LRRC37B: variants seen among roughly 807,000 people sequenced by gnomAD.
LRRC37B encodes the protein leucine-rich repeat-containing protein 37B.
In LRRC37B, 28 loss-of-function variants were observed where a neutral mutation model predicts 98.3. The ratio of observed to expected loss-of-function variants is 0.28; its 90% CI spans 0.21 to 0.39. LRRC37B has a LOEUF of 0.39. LRRC37B is among the 10% of genes least tolerant of loss of function. The pLI, the probability that LRRC37B is intolerant of heterozygous loss-of-function variation, is 1.00. For synonymous variants in LRRC37B, 364 were observed against 442.7 expected (o/e 0.82, Z 2.23); for missense variants, 938 against 1,182.7 (o/e 0.79, Z 3.03).
At chr17:32,008,203 T>G in intron 1 of LRRC37B, 71 bp downstream of exon 1, 1 of 201,086 alleles carries the variant, frequency 5.0e-6, no homozygotes. Context: ...CTCACTTATG[T>G]GCTGTGCATC....
chr17:32,019,726 G>C (rs1468881271), upstream of LRRC37B, among the ~76,000 whole-genome samples: 1 of 152,142 alleles, frequency 6.6e-6, no homozygotes, highest in African/African-American at 2.4e-5. Context: ...AACCCACCAA[G>C]GAAACTTCCA....
chr17:32,026,301 A>T (rs2142244888), intron 2 of LRRC37B, among the ~76,000 whole-genome samples: 1 of 152,300 alleles, frequency 6.6e-6, no homozygotes, highest in South Asian at 2.1e-4. Context: ...GATCACCTGA[A>T]GTCGGGAGTT....
intron 1 of LRRC37B, among the ~76,000 whole-genome samples, chr17:32,010,255 G>T (rs569082372): frequency 1.1e-3 from 160 of 152,318 alleles, no homozygotes; most frequent in African/African-American, 3.6e-3. Context: ...TTGTAGCAAT[G>T]AAAGCAGTCG....
intron 7 of LRRC37B, chr17:32,040,442 T>C: frequency 1.8e-6 from 1 of 567,618 alleles, no homozygotes; most frequent in Non-Finnish European, 3.3e-6. Context: ...AGCCTGTCGG[T>C]TGCAGGGCTG....
chr17:32,052,761 G>A (rs544279485), intron 11 of LRRC37B: 2 of 152,552 alleles, frequency 1.3e-5, no homozygotes, highest in Admixed American at 6.5e-5. Flanking sequence ...GCAGCATAGT[G>A]AGACCTTGTC....
intron 7 of LRRC37B, chr17:32,041,617 C>T (rs965889286): frequency 3.0e-5 from 14 of 466,656 alleles, no homozygotes; most frequent in South Asian, 1.1e-4. Flanking sequence ...GCTGCCAAGG[C>T]GGTGTCCAAG....
Position 32,035,066 on chromosome 17 carries a change from G to A in LRRC37B, c.2129+85G>A, listed in dbSNP as rs558165750. 23 of 1,016,358 alleles carry A rather than the reference G, an allele frequency of 2.3e-5. No homozygotes were observed. The East Asian group carries it at 5.8e-4, about 26-fold the overall frequency. The allele number at this position is 1,016,358 out of a possible 1,614,324, so 63.0% of individuals were successfully genotyped here. On this transcript the variant is annotated intron_variant, in intron 6 of 11. Coordinates refer to ENST00000327564, the Ensembl canonical transcript of LRRC37B. ...CAAAGATAAAGTATTTTGCATTTAGGCTAAAAAGTCATAATTTAAATTTTA... is the reference window on the plus strand; with the variant it reads ...CAAAGATAAAGTATTTTGCATTTAGACTAAAAAGTCATAATTTAAATTTTA...
At chr17:32,031,344 T>A in intron 4 of LRRC37B, 34 bp from the exon 8 acceptor site, 1 of 1,598,496 alleles carries the variant, frequency 6.3e-7, no homozygotes, top group South Asian at 1.1e-5. Flanking sequence ...CTGAAATAAT[T>A]TTTTTTTCCT....
Position 32,021,297 on chromosome 17 carries a change from C to T in LRRC37B, c.232C>T (p.Arg78Cys), listed in dbSNP as rs1416404046. 1.9e-5 allele frequency: 30 copies of T among 1,613,366 alleles called. No individual in the cohort carries two copies. The highest frequency in any genetic ancestry group is 2.2e-5 in the Non-Finnish European group (26 of 1,179,950). The change falls in exon 1 of 12, where the codon CGC becomes TGC. Residue 78 changes from arginine to cysteine, a missense_variant. By Grantham distance (180) the Arg-to-Cys change is radical. Around this residue, in one of 2 missense-constraint regions of LRRC37B, gnomAD observed 610 missense variants for 625.6 expected, o/e 0.98. Transcript: ENST00000327564. Reference sequence around the variant, plus strand: ...GGGGCCACCTGAGCCCTGGTCTTCCCGCTCCTCCCATCTCCCATGGGAATC... The same window carrying T: ...GGGGCCACCTGAGCCCTGGTCTTCCTGCTCCTCCCATCTCCCATGGGAATC...
In LRRC37B at chr17:32,031,389, G is replaced by T. The variant is rs1446545792; in HGVS notation, c.1988G>T (p.Cys663Phe). 5 of 1,610,638 alleles carry T rather than the reference G, an allele frequency of 3.1e-6. No homozygotes were observed. The East Asian group carries it at 8.9e-5, about 29-fold the overall frequency. ...GTCTTTTTTTGTAGAAATCTGGGCT[G>T]CAATTTAATTACAAAACTGAGCCTT... The change falls in exon 5 of 12, where the codon TGC becomes TTC. Residue 663 changes from cysteine (C) to phenylalanine (F), a missense_variant. Coordinates refer to ENST00000327564, the Ensembl canonical transcript of LRRC37B.
intron 7 of LRRC37B, among the ~76,000 whole-genome samples, chr17:32,039,506 A>T (rs1452078696): frequency 3.9e-5 from 2 of 50,894 alleles, no homozygotes; most frequent in South Asian, 6.9e-4. Context: ...ATATATATAT[A>T]TATATATATA....
At chr17:32,025,029 C>CTTTTTT (rs1567614542) in intron 2 of LRRC37B, among the ~76,000 whole-genome samples, 1 of 35,244 alleles carries the variant, frequency 2.8e-5, no homozygotes, top group African/African-American at 9.2e-5. Context: ...TTTTTTTCCT[C>CTTTTTT]GTTTTTTTTT....
intron 9 of LRRC37B, 139 bp from the exon 13 acceptor site, chr17:32,048,963 G>A (rs1911666592): frequency 6.9e-7 from 1 of 1,448,282 alleles, no homozygotes; most frequent in African/African-American, 1.4e-5. Context: ...TCATCCTCCT[G>A]AGGCAGTTTC....
At chr17:32,041,780 G>C (rs563896818) in intron 7 of LRRC37B, 1 of 458,294 alleles carries the variant, frequency 2.2e-6, no homozygotes, top group Non-Finnish European at 4.4e-6. Flanking sequence ...CCATGGCGCC[G>C]GCCTCCTCCC....
Position 32,031,380 on chromosome 17 carries a change from A to G in LRRC37B, c.1979A>G (p.Asn660Ser), listed in dbSNP as rs756736262. The change falls in exon 5 of 12, where the codon AAT (asparagine) becomes AGT (serine). Residue 660 changes from asparagine to serine, a missense_variant and splice_region_variant. Asn to Ser is a conservative substitution (Grantham distance 46). Transcript: ENST00000327564. ...TTGGCTTATGTCTTTTTTTGTAGAA[A>G]TCTGGGCTGCAATTTAATTACAAAA... is the stretch of plus-strand genomic sequence containing the variant. The G allele has an allele frequency of 5.0e-6, 8 of 1,610,446 alleles. No individual in the cohort carries two copies. In the East Asian group the frequency reaches 6.7e-5, roughly 13 times the overall value.
At chr17:32,046,486 A>G (rs1427075946) in intron 8 of LRRC37B, among the ~76,000 whole-genome samples, 1 of 152,226 alleles carries the variant, frequency 6.6e-6, no homozygotes, top group Non-Finnish European at 1.5e-5. Flanking sequence ...GACTTCTAAA[A>G]TGTGACTGCT....
intron 5 of LRRC37B, among the ~76,000 whole-genome samples, chr17:32,034,227 C>G (rs960465492): frequency 1.3e-5 from 2 of 151,898 alleles, no homozygotes; most frequent in African/African-American, 2.4e-5. Flanking sequence ...AGCAGTCAGG[C>G]GCAGTGTCTC....
Position 32,021,536 on chromosome 17 carries a change from G to C in LRRC37B, c.471G>C (p.Arg157Ser), listed in dbSNP as rs144851744. 4.3e-6 allele frequency: 7 copies of C among 1,613,898 alleles called. No individual in the cohort carries two copies. In the Admixed American group the frequency reaches 5.0e-5, roughly 12 times the overall value. Residue 157 changes from arginine to serine, a missense_variant, in exon 1 of 12, where the codon AGG becomes AGC. By Grantham distance (110) the Arg-to-Ser change is moderately radical. Transcript: ENST00000327564. ...ATGACAAGCGGACTCCAGAAGAAAGGCTCCCAGAGGTGGTTCCGCTTCTCA... is the reference window on the plus strand; with the variant it reads ...ATGACAAGCGGACTCCAGAAGAAAGCCTCCCAGAGGTGGTTCCGCTTCTCA...
intron 7 of LRRC37B, among the ~76,000 whole-genome samples, chr17:32,039,168 G>A (rs2142254772): frequency 6.6e-6 from 1 of 151,456 alleles, no homozygotes; most frequent in East Asian, 2.0e-4. Context: ...GGAGAAATGA[G>A]GTCTCACTGT....
Sources: allele counts gnomAD v4.1 joint callset (sites outside exome capture counted in the v4.1 genomes callset), GRCh38; gene constraint gnomAD v4.1.1; regional missense constraint gnomAD v4.1.1; transcripts MANE v1.5; gene names NCBI Gene and HGNC (gene_info 2026-07-23, HGNC 2026-07-21).